Variants in IGF2R observed in about 807,000 individuals in gnomAD.
IGF2R encodes insulin like growth factor 2 receptor, also known as cation-independent mannose-6-phosphate receptor.
In IGF2R, 91 loss-of-function variants were observed where a neutral mutation model predicts 270.6. That is an observed-to-expected ratio of 0.34 (90% confidence interval 0.28 to 0.40). IGF2R has a LOEUF of 0.40. IGF2R is among the 10% of genes least tolerant of loss of function. IGF2R has a pLI of 1.00. For synonymous variants in IGF2R, 1,316 were observed against 1,258.9 expected (o/e 1.05, Z -0.96); for missense variants, 2,805 against 3,188.3 (o/e 0.88, Z 2.90).
At chr6:160,009,495 T>C (rs8191729) in intron 3 of IGF2R, among the ~76,000 whole-genome samples, 55 of 152,330 alleles carry the variant, frequency 3.6e-4, no homozygotes, top group Middle Eastern at 6.8e-3. Context: ...ATTTAGTTTT[T>C]TAAAAAATAT....
At chr6:160,075,679 C>T (rs759179143) in intron 35 of IGF2R, among the ~76,000 whole-genome samples, 168 bp from the exon 36 acceptor site, 5 of 152,232 alleles carry the variant, frequency 3.3e-5, no homozygotes, top group Admixed American at 6.5e-5. Context: ...TACACAGCAT[C>T]TGTCAAGCCT....
Position 160,024,621 on chromosome 6 carries a change from C to T in IGF2R, c.563C>T (p.Pro188Leu). ...GAGTTGAGGAAGCATGATCTCAATC[C>T]TCTGATCAAGCTTAGTGGTGCCTAC... ...DEELRKHDLN[P>L]LIKLSGAYLV... The change falls in exon 5 of 48, where the codon CCT (proline) becomes CTT (leucine). Residue 188 changes from proline (P) to leucine (L), a missense_variant. Pro to Leu is a moderately conservative substitution (Grantham distance 98, BLOSUM62 -3). Around this residue, in one of 2 missense-constraint regions of IGF2R, gnomAD observed 954 missense variants for 981.1 expected, o/e 0.97. Coordinates refer to ENST00000356956, the MANE Select transcript of IGF2R (RefSeq NM_000876.4). 3.1e-6 allele frequency: 5 copies of T among 1,613,862 alleles called. No homozygotes were observed. The South Asian group carries it at 5.5e-5, about 18-fold the overall frequency.
intron 41 of IGF2R, 63 bp downstream of exon 41, chr6:160,085,194 T>G: frequency 7.1e-6 from 11 of 1,557,808 alleles, no homozygotes; most frequent in Non-Finnish European, 9.6e-6. Flanking sequence ...AAGGTGAGGG[T>G]GTTCTCAGGA....
chr6:160,010,856 T>G, intron 4 of IGF2R, 71 bp downstream of exon 4: 3 of 876,414 alleles, frequency 3.4e-6, no homozygotes, highest in Non-Finnish European at 5.6e-6. Context: ...AAATACTGAT[T>G]CTAACCTTTC....
intron 10 of IGF2R, among the ~76,000 whole-genome samples, chr6:160,035,740 G>A (rs1777805446): frequency 6.6e-6 from 1 of 152,232 alleles, no homozygotes; most frequent in Non-Finnish European, 1.5e-5. Context: ...GGTGTTCACA[G>A]ACTAGCAGCA....
In IGF2R at chr6:160,084,005, T is replaced by C. The variant is rs758129169; in HGVS notation, c.5889T>C (p.Ile1963=). Residue 1963 remains isoleucine (I), a synonymous_variant, in exon 40 of 48, where the codon ATT becomes ATC. Coordinates refer to ENST00000356956, the MANE Select transcript of IGF2R (RefSeq NM_000876.4). The surrounding 1 kb of genome is among the most constrained non-coding windows in gnomAD (Gnocchi z 4.6). The part of the protein sequence containing the change: ...IIFKCDEDED[I]GRPQVFSEVR... ...TTAAGTGTGATGAAGATGAGGACAT[T>C]GGGAGGCCACAAGTCTTCAGTGAAG... The C allele has an allele frequency of 1.2e-6, 2 of 1,614,100 alleles. No individual in the cohort carries two copies. The highest frequency in any genetic ancestry group is 1.1e-5 in the South Asian group (1 of 91,082).
In IGF2R at chr6:160,073,895, C is replaced by T; in HGVS notation, c.5086C>T (p.Gln1696Ter). The T allele has an allele frequency of 6.2e-7, 1 of 1,614,178 alleles. No individual in the cohort carries two copies. Among genetic ancestry groups the T allele is most frequent in the Non-Finnish European group, 8.5e-7 (1 of 1,180,020 alleles). The change falls in exon 35 of 48, where the codon CAG (glutamine) becomes TAG (stop). Residue 1696 changes from glutamine (Q) to a stop codon, truncating the protein, a stop_gained. Transcript: ENST00000356956. LOFTEE classifies it high-confidence loss of function. ...CCCTGATTTCTACATCAATATTTGTCAGCCACTAAATCCCATGCACGGAGT... is the reference window on the plus strand; with the variant it reads ...CCCTGATTTCTACATCAATATTTGTTAGCCACTAAATCCCATGCACGGAGT... ...TNPDFYINIC[Q>*]PLNPMHGVPC...
chr6:160,087,760 C>G (rs1038457450), intron 41 of IGF2R, among the ~76,000 whole-genome samples: 2 of 152,228 alleles, frequency 1.3e-5, no homozygotes, highest in African/African-American at 4.8e-5. Flanking sequence ...ACTGCAACTT[C>G]TGCCTCCCGG....
chr6:160,003,727 CTT>C (rs958262911), intron 2 of IGF2R: 2 of 152,138 alleles, frequency 1.3e-5, no homozygotes, highest in Non-Finnish European at 2.9e-5. Context: ...GCAAGAATCT[CTT>C]TTTTTCATGG....
rs139665293 is a variant in IGF2R at position 160,045,788 on chromosome 6, C to T, written c.1809C>T (p.Gly603=). ...SAPVLRTSGE[G]GCFYEFEWHT... ...CAGTGTTGAGAACTTCTGGGGAAGG[C>T]GGTTGCTTTTATGAGTTTGAGTGGC... Residue 603 remains glycine (G), a synonymous_variant, in exon 14 of 48, where the codon GGC becomes GGT. Coordinates refer to ENST00000356956, the MANE Select transcript of IGF2R (RefSeq NM_000876.4). 26 of 1,613,800 alleles carry T rather than the reference C, an allele frequency of 1.6e-5. No homozygotes were observed. Among genetic ancestry groups the T allele is most frequent in the South Asian group, 5.5e-5 (5 of 91,056 alleles).
intron 10 of IGF2R, 99 bp downstream of exon 10, chr6:160,034,621 G>A (rs959915141): frequency 1.3e-6 from 1 of 766,486 alleles, no homozygotes. Flanking sequence ...ACTGAATGGA[G>A]GAGTCAGATG....
intron 36 of IGF2R, among the ~76,000 whole-genome samples, 174 bp from the exon 37 acceptor site, chr6:160,078,027 G>C (rs573604516): frequency 6.6e-6 from 1 of 152,356 alleles, no homozygotes; most frequent in Admixed American, 6.5e-5. Flanking sequence ...CAAGGGCAGG[G>C]TGATGTCTGT....
At chr6:160,091,965 G>A (rs35875251) in intron 44 of IGF2R, among the ~76,000 whole-genome samples, 21 of 152,360 alleles carry the variant, frequency 1.4e-4, no homozygotes, top group Non-Finnish European at 2.8e-4. Context: ...CCTGTAACCT[G>A]GTGGGTTTAC....
At chr6:160,038,949 A>C (rs1303892755) in intron 10 of IGF2R, among the ~76,000 whole-genome samples, 3 of 152,230 alleles carry the variant, frequency 2.0e-5, no homozygotes, top group African/African-American at 7.2e-5. Context: ...CAGCTGCCCT[A>C]GTTTTTAGTT....
intron 36 of IGF2R, 121 bp from the exon 37 acceptor site, chr6:160,078,080 C>A: frequency 1.1e-6 from 1 of 907,940 alleles, no homozygotes; most frequent in Non-Finnish European, 1.7e-6. Flanking sequence ...TGTTGTCTAG[C>A]ATCCCTTCCC....
chr6:160,048,323 C>CTCT, intron 17 of IGF2R, 52 bp from the exon 18 acceptor site: 1 of 1,524,138 alleles, frequency 6.6e-7, no homozygotes, highest in Non-Finnish European at 9.1e-7. Flanking sequence ...ATAAATGAGA[C>CTCT]TGAAATGTGT....
chr6:160,049,114 TC>T (rs1163404281), intron 18 of IGF2R, among the ~76,000 whole-genome samples: 1 of 152,194 alleles, frequency 6.6e-6, no homozygotes, highest in Non-Finnish European at 1.5e-5. Flanking sequence ...AATGTACTTT[TC>T]TTGGTGTATG....
chr6:160,080,383 C>G (rs1487682341), intron 39 of IGF2R, 108 bp downstream of exon 39: 14 of 1,104,046 alleles, frequency 1.3e-5, no homozygotes, highest in Non-Finnish European at 1.5e-5. Flanking sequence ...CAGGAATTCT[C>G]TTGCATAAAA....
intron 2 of IGF2R, among the ~76,000 whole-genome samples, chr6:160,000,558 C>A (rs1056417120): frequency 5.9e-5 from 9 of 152,114 alleles, no homozygotes; most frequent in African/African-American, 2.2e-4. Flanking sequence ...AAATGCAAAT[C>A]AGAGCAATTA....
Sources: gnomAD v4.1 joint callset for allele counts (sites outside exome capture counted in the v4.1 genomes callset) on GRCh38, gnomAD v4.1.1 for gene constraint, gnomAD v4.1.1 regional missense constraint, Gnocchi (gnomAD v3.1) non-coding constraint, MANE v1.5 for transcripts, NCBI Gene and HGNC (gene_info 2026-07-23, HGNC 2026-07-21) for gene names.